PEAK1: variants seen among roughly 807,000 people sequenced by gnomAD.
PEAK1 encodes pseudopodium enriched atypical kinase 1.
Under a neutral mutation model 124.7 loss-of-function variants are expected in PEAK1, and 54 were observed. The ratio of observed to expected loss-of-function variants is 0.43; its 90% CI spans 0.35 to 0.54. The LOEUF (loss-of-function observed/expected upper bound fraction) is 0.54, where lower values mean the gene tolerates loss of function less well. Among genes scored for constraint, PEAK1 ranks in the 20% least tolerant of loss-of-function variants. The pLI is 0.01. For synonymous variants in PEAK1, 719 were observed against 760.0 expected, an observed-to-expected ratio of 0.95 and a Z score of 0.89; for missense variants, 2,046 against 2,134.5, an observed-to-expected ratio of 0.96 and a Z score of 0.82.
intron 1 of PEAK1, chr15:77,403,684 T>G (rs917964451): frequency 1.6e-5 from 14 of 903,024 alleles, no homozygotes; most frequent in Non-Finnish European, 1.7e-5. Context: ...TCATCTCATT[T>G]GACAATCAAA....
At chr15:77,175,134 A>G (rs1204390689) in intron 7 of PEAK1, among the ~76,000 whole-genome samples, 1 of 152,180 alleles carries the variant, frequency 6.6e-6, no homozygotes. Flanking sequence ...CGTTAGATCT[A>G]AAACCATAAA....
Position 77,179,662 on chromosome 15 carries a change from G to C in PEAK1, c.2265C>G (p.Gly755=). ...IEGTQESQMV[G]SSSTREKAST... is the part of the protein sequence containing the mutation. Reference sequence around the variant, plus strand: ...TTGCTTTCTCTCTGGTGCTGCTGCTGCCCACCATCTGAGACTCCTGAGTGC... The same window carrying C: ...TTGCTTTCTCTCTGGTGCTGCTGCTCCCCACCATCTGAGACTCCTGAGTGC... The change falls in exon 7 of 10, where the codon GGC becomes GGG. Residue 755 remains glycine (G), a synonymous_variant. Transcript: ENST00000682557. The C allele has an allele frequency of 6.2e-7, 1 of 1,614,096 alleles. No homozygotes were observed. Among genetic ancestry groups the C allele is most frequent in the Non-Finnish European group, 8.5e-7 (1 of 1,180,002 alleles).
At chr15:77,384,190 CAA>C (rs35915780) in intron 1 of PEAK1, among the ~76,000 whole-genome samples, 2 of 138,388 alleles carry the variant, frequency 1.4e-5, no homozygotes, top group Non-Finnish European at 1.6e-5. Context: ...AAATTTAGTG[CAA>C]AAAAAAAAAA....
At chr15:77,310,036 T>G (rs1177438936) in intron 2 of PEAK1, among the ~76,000 whole-genome samples, 4 of 152,162 alleles carry the variant, frequency 2.6e-5, no homozygotes, top group African/African-American at 9.7e-5. Flanking sequence ...GGACTAAATT[T>G]GTAAGGAGAC....
chr15:77,183,020 G>A (rs914660299), intron 6 of PEAK1, among the ~76,000 whole-genome samples: 1 of 152,010 alleles, frequency 6.6e-6, no homozygotes, highest in Non-Finnish European at 1.5e-5. Flanking sequence ...TAGATGAAGG[G>A]GGGAAGAAGG....
At chr15:77,404,159 A>T in intron 1 of PEAK1, 2 of 985,394 alleles carry the variant, frequency 2.0e-6, no homozygotes, top group Non-Finnish European at 2.4e-6. Context: ...ATAAATATAG[A>T]AATACCTAAT....
chr15:77,328,553 C>T (rs966094087), intron 2 of PEAK1, among the ~76,000 whole-genome samples: 3 of 152,084 alleles, frequency 2.0e-5, no homozygotes, highest in Admixed American at 6.6e-5. Flanking sequence ...TGGCTGCCTA[C>T]CATATACTAG....
chr15:77,348,836 C>T, intron 2 of PEAK1: 2 of 504,186 alleles, frequency 4.0e-6, no homozygotes, highest in African/African-American at 4.5e-5. Context: ...GAGTGGGGGT[C>T]TAACTGTGTT....
chr15:77,403,197 T>C, intron 1 of PEAK1: 1 of 985,412 alleles, frequency 1.0e-6, no homozygotes, highest in Non-Finnish European at 1.2e-6. Flanking sequence ...TGAGATTGTA[T>C]TTGTCTCTCA....
At chr15:77,391,151 G>C (rs2070415192) in intron 1 of PEAK1, among the ~76,000 whole-genome samples, 1 of 152,098 alleles carries the variant, frequency 6.6e-6, no homozygotes, top group South Asian at 2.1e-4. Flanking sequence ...AATGATACTG[G>C]TTGAGGCAGC....
At chr15:77,373,691 T>G (rs933473192) in intron 1 of PEAK1, among the ~76,000 whole-genome samples, 9 of 152,208 alleles carry the variant, frequency 5.9e-5, no homozygotes, top group Admixed American at 1.3e-4. Context: ...ACAGCCATCT[T>G]AACTGGTTGG....
intron 1 of PEAK1, among the ~76,000 whole-genome samples, chr15:77,378,879 T>C (rs1285280100): frequency 6.6e-6 from 1 of 152,214 alleles, no homozygotes; most frequent in Non-Finnish European, 1.5e-5. Context: ...AATCACCATG[T>C]CTTTAGCCAA....
In PEAK1 at chr15:77,114,614, T is replaced by G; in HGVS notation, c.4783A>C (p.Thr1595Pro). The G allele has an allele frequency of 6.2e-7, 1 of 1,613,988 alleles. No individual in the cohort carries two copies. Among genetic ancestry groups the G allele is most frequent in the Non-Finnish European group, 8.5e-7 (1 of 1,179,996 alleles). The change falls in exon 10 of 10, where the codon ACA (threonine) becomes CCA (proline). Residue 1595 changes from threonine (T) to proline (P), a missense_variant. Thr to Pro is a conservative substitution (Grantham distance 38). Coordinates refer to ENST00000682557, the MANE Select transcript of PEAK1 (RefSeq NM_001385026.1). ...AGCATCTCATAGATGAGGATGCCTG[T>G]CTGGAACTCATCACACTTTTTATAC... ...TQYKKCDEFQ[T>P]GILIYEMLHL...
At chr15:77,147,977 A>G (rs2054292918) in intron 8 of PEAK1, among the ~76,000 whole-genome samples, 3 of 152,136 alleles carry the variant, frequency 2.0e-5, no homozygotes, top group Admixed American at 1.3e-4. Context: ...GTGAATTTTT[A>G]TTTTTATAAA....
At chr15:77,135,773 C>T (rs752584449) in intron 8 of PEAK1, among the ~76,000 whole-genome samples, 11 of 152,148 alleles carry the variant, frequency 7.2e-5, no homozygotes, top group Non-Finnish European at 1.0e-4. Context: ...CATCCACATA[C>T]GATGTGACTT....
rs1484721860 is a variant in PEAK1 at position 77,108,395 on chromosome 15, G to T, written c.*5761C>A. ...GCCAGAGAGAATTAAAGAGAGATTGGAATGAGGACTGTCATGATTCAAATC... is the reference window on the plus strand; with the variant it reads ...GCCAGAGAGAATTAAAGAGAGATTGTAATGAGGACTGTCATGATTCAAATC... On this transcript the variant is annotated 3_prime_UTR_variant, in exon 10 of 10. Transcript: ENST00000682557. 6.6e-6 allele frequency: 1 copy of T among 152,166 alleles called. No individual in the cohort carries two copies. The highest frequency in any genetic ancestry group is 1.5e-5 in the Non-Finnish European group (1 of 68,030). The allele number at this position is 152,166 out of a possible 1,614,324, so 9.4% of individuals were successfully genotyped here. A position where few individuals can be genotyped will look rare whatever the true frequency, so the allele number is the denominator to read the frequency against.
At chr15:77,139,771 A>C (rs1164471368) in intron 8 of PEAK1, among the ~76,000 whole-genome samples, 1 of 152,160 alleles carries the variant, frequency 6.6e-6, no homozygotes, top group Non-Finnish European at 1.5e-5. Flanking sequence ...GTAATAGAAC[A>C]ATATTAAATA....
At chr15:77,273,456 T>G (rs2062143075) in intron 5 of PEAK1, among the ~76,000 whole-genome samples, 1 of 152,334 alleles carries the variant, frequency 6.6e-6, no homozygotes, top group East Asian at 1.9e-4. Flanking sequence ...TCAGTAGCCC[T>G]GCTACACATC....
intron 2 of PEAK1, among the ~76,000 whole-genome samples, chr15:77,299,874 G>A (rs955747986): frequency 6.6e-6 from 1 of 152,040 alleles, no homozygotes; most frequent in African/African-American, 2.4e-5. Flanking sequence ...AGATCACTGT[G>A]GTCTCATGAG....
Sources: allele counts gnomAD v4.1 joint callset (sites outside exome capture counted in the v4.1 genomes callset), GRCh38; gene constraint gnomAD v4.1.1; transcripts MANE v1.5; gene names NCBI Gene and HGNC (gene_info 2026-07-23, HGNC 2026-07-21).